PMFBP1: variants seen among roughly 807,000 people sequenced by gnomAD.
PMFBP1 encodes the protein polyamine-modulated factor 1-binding protein 1.
A neutral mutation model predicts 137.8 loss-of-function variants in PMFBP1; 131 were observed. The observed-to-expected ratio is 0.95, with a 90% CI of 0.82 to 1.10. The LOEUF (loss-of-function observed/expected upper bound fraction) is 1.10, where lower values mean the gene tolerates loss of function less well. Ranked by LOEUF, PMFBP1 falls within the 50% of genes least tolerant of loss-of-function variation. The pLI is 0.00. For synonymous variants in PMFBP1, 490 were observed against 450.4 expected (o/e 1.09, Z -1.11); for missense variants, 1,199 against 1,175.4 (o/e 1.02, Z -0.29).
At chr16:72,142,342 T>C (rs2042736309) in intron 5 of PMFBP1, among the ~76,000 whole-genome samples, 1 of 152,186 alleles carries the variant, frequency 6.6e-6, no homozygotes, top group South Asian at 2.1e-4. Context: ...AAATATTCTC[T>C]GAAGTGAAGA....
chr16:72,130,746 T>G (rs1438749441), intron 10 of PMFBP1, 24 bp from the exon 11 acceptor site: 2 of 1,593,422 alleles, frequency 1.3e-6, no homozygotes, highest in East Asian at 2.2e-5. Flanking sequence ...GAGATGGCCA[T>G]GTGAGAAGGG....
the PMFBP1 span, among the ~76,000 whole-genome samples, chr16:72,195,244 T>C: frequency 6.6e-5 from 10 of 152,162 alleles, no homozygotes; most frequent in Non-Finnish European, 1.3e-4. Context: ...CACCAGATTG[T>C]CCTGTTGGGC....
In PMFBP1 at chr16:72,126,003, C is replaced by G. The variant is rs762983901; in HGVS notation, c.2218G>C (p.Ala740Pro). The G allele has an allele frequency of 6.2e-7, 1 of 1,614,138 alleles. No individual in the cohort carries two copies. Among genetic ancestry groups the G allele is most frequent in the East Asian group, 2.2e-5 (1 of 44,878 alleles). ...AYDALSRKSA[A>P]CQDDLTQALE... ...GCTTGTGTCAGGTCATCCTGGCAGG[C>G]GGCTGACTTCCGGGATAATGCATCA... The change falls in exon 15 of 21, where the codon GCC (alanine) becomes CCC (proline). Residue 740 changes from alanine to proline, a missense_variant. Coordinates refer to ENST00000237353, the MANE Select transcript of PMFBP1 (RefSeq NM_031293.3).
chr16:72,197,685 C>T, the PMFBP1 span, among the ~76,000 whole-genome samples: 1 of 152,226 alleles, frequency 6.6e-6, no homozygotes, highest in Non-Finnish European at 1.5e-5. Context: ...GAGCTCCCTC[C>T]ACCCCTTCTT....
chr16:72,202,066 C>T, the PMFBP1 span, among the ~76,000 whole-genome samples: 1 of 152,178 alleles, frequency 6.6e-6, no homozygotes, highest in Non-Finnish European at 1.5e-5. Context: ...CCTGTGGACA[C>T]CATGACTAGC....
At chr16:72,179,076 C>T (rs2043267917), upstream of PMFBP1, among the ~76,000 whole-genome samples, 3 of 152,166 alleles carry the variant, frequency 2.0e-5, no homozygotes, top group African/African-American at 4.8e-5. Flanking sequence ...CTTCTCTCCC[C>T]AACCCAGCCC....
the PMFBP1 span, among the ~76,000 whole-genome samples, chr16:72,220,148 A>C: frequency 1.3e-5 from 2 of 152,258 alleles, no homozygotes; most frequent in African/African-American, 4.8e-5. Flanking sequence ...AGCCTTAAAA[A>C]GAATTATACT....
the PMFBP1 span, among the ~76,000 whole-genome samples, chr16:72,182,495 C>CAAAA: frequency 1.4e-5 from 1 of 74,044 alleles, no homozygotes; most frequent in African/African-American, 5.3e-5. Flanking sequence ...AACTCTGCCT[C>CAAAA]AAAAAAAAAA....
At chr16:72,146,398 A>G (rs993676014) in intron 5 of PMFBP1, among the ~76,000 whole-genome samples, 4 of 152,244 alleles carry the variant, frequency 2.6e-5, no homozygotes, top group Admixed American at 2.6e-4. Flanking sequence ...GCTATTTATG[A>G]CAAACCCATA....
chr16:72,154,402 T>G lies in PMFBP1; in HGVS notation c.223A>C (p.Ser75Arg). Residue 75 changes from serine to arginine, a missense_variant, in exon 4 of 21, where the codon AGT (serine) becomes CGT (arginine). By Grantham distance (110) the Ser-to-Arg change is moderately radical. Transcript: ENST00000237353. The part of the protein sequence containing the change: ...FEESEVEFGS[S>R]KQCHLRQLQQ... ...AGTTGTCTCAGATGACACTGTTTACTGGACCCAAATTCCACCTCTGACTCC... is the reference window on the plus strand; with the variant it reads ...AGTTGTCTCAGATGACACTGTTTACGGGACCCAAATTCCACCTCTGACTCC... 1.2e-6 allele frequency: 2 copies of G among 1,614,228 alleles called. No individual in the cohort carries two copies. Among genetic ancestry groups the G allele is most frequent in the Non-Finnish European group, 1.7e-6 (2 of 1,180,020 alleles).
the PMFBP1 span, among the ~76,000 whole-genome samples, chr16:72,223,385 G>C: frequency 6.6e-6 from 1 of 152,134 alleles, no homozygotes; most frequent in African/African-American, 2.4e-5. Context: ...CCCGATTACA[G>C]GTCTGTTGGC....
downstream of PMFBP1, among the ~76,000 whole-genome samples, chr16:72,117,568 G>C (rs2144201028): frequency 6.6e-6 from 1 of 152,278 alleles, no homozygotes; most frequent in Non-Finnish European, 1.5e-5. Context: ...GGCAAAGCAG[G>C]TGTTCTTGCC....
upstream of PMFBP1, among the ~76,000 whole-genome samples, chr16:72,179,808 G>C (rs979709861): frequency 6.6e-6 from 1 of 152,150 alleles, no homozygotes; most frequent in Non-Finnish European, 1.5e-5. Flanking sequence ...AAGTGCTTTG[G>C]GATCCTTAAG....
intron 17 of PMFBP1, 122 bp downstream of exon 17, chr16:72,124,645 G>T (rs2042426050): frequency 8.3e-7 from 1 of 1,202,814 alleles, no homozygotes; most frequent in Non-Finnish European, 1.2e-6. Flanking sequence ...AAATGGAGGG[G>T]GTGACCTTTC....
the PMFBP1 span, among the ~76,000 whole-genome samples, chr16:72,208,945 C>T: frequency 6.6e-6 from 1 of 152,206 alleles, no homozygotes; most frequent in Non-Finnish European, 1.5e-5. Context: ...TGAGACTCTG[C>T]AGAATGTTAA....
chr16:72,164,434 G>A, intron 3 of PMFBP1: 1 of 1,338,864 alleles, frequency 7.5e-7, no homozygotes, highest in Middle Eastern at 2.0e-4. Context: ...GAGATCCATA[G>A]CAGACGCTGC....
At chr16:72,230,489 C>A in the PMFBP1 span, among the ~76,000 whole-genome samples, 5 of 152,162 alleles carry the variant, frequency 3.3e-5, no homozygotes, top group African/African-American at 1.2e-4. Flanking sequence ...ACTCATCTGC[C>A]TAGATGGACC....
intron 12 of PMFBP1, among the ~76,000 whole-genome samples, chr16:72,129,774 C>T (rs1011630406): frequency 1.3e-5 from 2 of 152,200 alleles, no homozygotes; most frequent in Admixed American, 1.3e-4. Context: ...GCTTAGCATA[C>T]TAACACAATT....
intron 15 of PMFBP1, 49 bp downstream of exon 15, chr16:72,125,919 C>T (rs368789106): frequency 6.0e-5 from 95 of 1,591,090 alleles, no homozygotes; most frequent in Non-Finnish European, 7.4e-5. Context: ...GCTACCTTGA[C>T]GTTTCCTTGC....
Sources: gnomAD v4.1 joint callset for allele counts (sites outside exome capture counted in the v4.1 genomes callset) on GRCh38, gnomAD v4.1.1 for gene constraint, MANE v1.5 for transcripts, NCBI Gene and HGNC (gene_info 2026-07-23, HGNC 2026-07-21) for gene names.